Variants in SPAG9 observed in about 807,000 individuals in gnomAD.
SPAG9 encodes the protein sperm associated antigen 9, also known as C-Jun-amino-terminal kinase-interacting protein 4.
SPAG9 carries 35 observed loss-of-function variants against 166.5 expected under a neutral mutation model. The observed-to-expected ratio is 0.21, with a 90% CI of 0.16 to 0.28. The LOEUF is 0.28. Among genes scored for constraint, SPAG9 ranks in the 10% least tolerant of loss-of-function variants. The pLI is 1.00. For missense variants in SPAG9, 1,235 were observed against 1,603.3 expected (o/e 0.77, Z 3.92); for synonymous variants, 534 against 565.5 (o/e 0.94, Z 0.79).
At chr17:51,020,408 A>G in intron 7 of SPAG9, 150 bp from the exon 8 acceptor site, 1 of 584,006 alleles carries the variant, frequency 1.7e-6, no homozygotes, top group South Asian at 2.2e-5. Flanking sequence ...GCATTATACA[A>G]TATATCACAT....
intron 1 of SPAG9, among the ~76,000 whole-genome samples, chr17:51,114,809 G>A (rs112326891): frequency 0.1 from 15,841 of 151,908 alleles, 1,114 homozygotes; most frequent in Non-Finnish European, 0.16. Flanking sequence ...AAAATTAGCC[G>A]GGTGTAGTGG....
Position 50,964,086 on chromosome 17 carries a change from T to C in SPAG9, c.*2186A>G, listed in dbSNP as rs1973238282. 1 of 152,202 alleles carries C rather than the reference T, an allele frequency of 6.6e-6. No individual in the cohort carries two copies. The highest frequency in any genetic ancestry group is 2.4e-5 in the African/African-American group (1 of 41,438). The allele number at this position is 152,202 out of a possible 1,614,324, so 9.4% of individuals were successfully genotyped here. A position where few individuals can be genotyped will look rare whatever the true frequency, so the allele number is the denominator to read the frequency against. On this transcript the variant is annotated 3_prime_UTR_variant, in exon 30 of 30. Transcript: ENST00000262013. ...ATCCCATGTACTTCACAATCTAGCC[T>C]AATCGTGTATATGCATAAAAGCCAC... is the stretch of plus-strand genomic sequence containing the variant.
chr17:51,023,307 T>G (rs1461672606), intron 6 of SPAG9: 1 of 159,420 alleles, frequency 6.3e-6, no homozygotes, highest in African/African-American at 2.4e-5. Flanking sequence ...ATTTATTAAT[T>G]TATAATATTT....
chr17:50,994,992 T>G, intron 18 of SPAG9, 65 bp downstream of exon 18: 1 of 1,345,550 alleles, frequency 7.4e-7, no homozygotes, highest in Admixed American at 2.2e-5. Flanking sequence ...CAGAGGCAAA[T>G]TTTGGATGAA....
At chr17:50,995,667 T>G in intron 16 of SPAG9, 134 bp from the exon 17 acceptor site, 1 of 630,420 alleles carries the variant, frequency 1.6e-6, no homozygotes, top group East Asian at 2.8e-5. Context: ...AGGTTTTTTG[T>G]TTTTTTGTTT....
intron 1 of SPAG9, among the ~76,000 whole-genome samples, chr17:51,099,433 C>CA (rs34069450): frequency 0.38 from 28,324 of 74,938 alleles, 3,888 homozygotes; most frequent in Non-Finnish European, 0.43. Context: ...AACTCTGTCT[C>CA]AAAAAAAAAA....
chr17:51,118,015 G>C (rs1275424959), intron 1 of SPAG9, among the ~76,000 whole-genome samples: 1 of 151,396 alleles, frequency 6.6e-6, no homozygotes, highest in Non-Finnish European at 1.5e-5. Flanking sequence ...GGGGTGGCAC[G>C]TGCCTATAGT....
intron 6 of SPAG9, among the ~76,000 whole-genome samples, chr17:51,026,473 C>T (rs1419327453): frequency 6.6e-6 from 1 of 151,758 alleles, no homozygotes; most frequent in Non-Finnish European, 1.5e-5. Context: ...TAAATTTATC[C>T]TAGGCTATCC....
chr17:51,091,491 T>TC (rs1351823127), intron 1 of SPAG9, among the ~76,000 whole-genome samples: 9 of 151,962 alleles, frequency 5.9e-5, no homozygotes, highest in African/African-American at 2.2e-4. Context: ...TTTTCTGTTT[T>TC]TTTGTTGTTG....
At position 50,964,923 on chromosome 17, in the gene SPAG9, A is replaced by AT. The variant is rs1334321110; in HGVS notation, c.*1348dup. ...ATGTGCCACCACACCCGGTTAATTTATTTTGTTTTTTTTTTTTGGTAGAGA... is the reference window on the plus strand; with the variant it reads ...ATGTGCCACCACACCCGGTTAATTTATTTTTGTTTTTTTTTTTTGGTAGAGA... On this transcript the variant is annotated 3_prime_UTR_variant, in exon 30 of 30. Transcript: ENST00000262013. 3 of 180,264 alleles carry AT rather than the reference A, an allele frequency of 1.7e-5. No homozygotes were observed. The highest frequency in any genetic ancestry group is 6.7e-5 in the South Asian group (1 of 14,932). 11.2% of individuals were successfully genotyped at this position (180,264 alleles called of 1,614,324 possible).
intron 2 of SPAG9, among the ~76,000 whole-genome samples, chr17:51,077,033 T>TCTAGCTATCTAGCTAGCTATCTAG (rs2048013024): frequency 4.2e-5 from 4 of 94,488 alleles, no homozygotes; most frequent in Non-Finnish European, 2.4e-5. Flanking sequence ...TAGCTATCTA[T>TCTAGCTATCTAGCTAGCTATCTAG]CTAGCTATCT....
intron 12 of SPAG9, among the ~76,000 whole-genome samples, chr17:51,003,142 G>A (rs1032368514): frequency 6.6e-6 from 1 of 152,018 alleles, no homozygotes; most frequent in African/African-American, 2.4e-5. Flanking sequence ...GGGAGGCGGA[G>A]GCAGGAGGAT....
chr17:51,001,556 C>T (rs549716434), intron 13 of SPAG9, among the ~76,000 whole-genome samples, 159 bp downstream of exon 13: 1 of 152,308 alleles, frequency 6.6e-6, no homozygotes, highest in East Asian at 1.9e-4. Context: ...CCTTTGATCA[C>T]ATTCTGTTGC....
At chr17:50,975,192 T>A in intron 27 of SPAG9, 1 of 418,944 alleles carries the variant, frequency 2.4e-6, no homozygotes, top group Non-Finnish European at 4.2e-6. Flanking sequence ...GCTTATTTTT[T>A]AAACACATCT....
chr17:51,053,853 AAGTATATATATATATATATATATAT>A (rs1428121421), intron 3 of SPAG9, among the ~76,000 whole-genome samples: 6 of 56,186 alleles, frequency 1.1e-4, no homozygotes, highest in Admixed American at 2.6e-4. Flanking sequence ...AAAAAAAAAA[AAGTATATATATATATATATATATAT>A]ATATATATAT....
Position 51,001,769 on chromosome 17 carries a change from T to C in SPAG9, c.1553A>G (p.Tyr518Cys). 3 of 1,613,864 alleles carry C rather than the reference T, an allele frequency of 1.9e-6. No homozygotes were observed. The highest frequency in any genetic ancestry group is 1.7e-6 in the Non-Finnish European group (2 of 1,179,828). ...CTGAAGCTCCATCAATCTCTCTTTA[T>C]ACTGGTTTCGCTCCATGAGAACACG... ...MARVLMERNQ[Y>C]KERLMELQEA... The change falls in exon 13 of 30, where the codon TAT (tyrosine) becomes TGT (cysteine). Residue 518 changes from tyrosine (Y) to cysteine (C), a missense_variant. Tyr to Cys is a radical substitution (Grantham distance 194). This residue lies in a region of SPAG9 where 125 missense variants were observed against 194.0 expected (regional missense o/e 0.64). Coordinates refer to ENST00000262013, the MANE Select transcript of SPAG9 (RefSeq NM_001130528.3).
Position 51,119,049 on chromosome 17 carries a change from A to G in SPAG9, c.303+1305T>C, listed in dbSNP as rs532878283. Among the ~76,000 whole-genome samples the G allele has an allele frequency of 8.7e-4, 132 of 151,350 alleles. 1 individual carries two copies. In the East Asian group the frequency reaches 0.025, roughly 29 times the overall value. On this transcript the variant is annotated intron_variant, in intron 1 of 29. Coordinates refer to ENST00000262013, the MANE Select transcript of SPAG9 (RefSeq NM_001130528.3). The stretch of plus-strand genomic sequence containing the variant: ...ACTACGTCTCAAAAAAAAAAAAAAA[A>G]AAAGGCAATTTTGTTTGGCAAATTC...
At chr17:50,986,290 C>T (rs1252579765) in intron 22 of SPAG9, among the ~76,000 whole-genome samples, 1 of 152,204 alleles carries the variant, frequency 6.6e-6, no homozygotes, top group African/African-American at 2.4e-5. Flanking sequence ...ATTCAAACTA[C>T]AATGCCCATA....
At chr17:50,986,402 T>C (rs1449083665) in intron 22 of SPAG9, among the ~76,000 whole-genome samples, 2 of 152,256 alleles carry the variant, frequency 1.3e-5, no homozygotes, top group Non-Finnish European at 2.9e-5. Flanking sequence ...AACCCTTATT[T>C]GAAATGCTTG....
Sources: gnomAD v4.1 joint callset for allele counts (sites outside exome capture counted in the v4.1 genomes callset) on GRCh38, gnomAD v4.1.1 for gene constraint, gnomAD v4.1.1 regional missense constraint, MANE v1.5 for transcripts, NCBI Gene and HGNC (gene_info 2026-07-23, HGNC 2026-07-21) for gene names.